Variants in SI observed in about 807,000 individuals in gnomAD.
The protein encoded by SI is sucrase-isomaltase, intestinal.
Under a neutral mutation model 253.3 loss-of-function variants are expected in SI, and 235 were observed. The observed-to-expected ratio is 0.93, with a 90% CI of 0.83 to 1.03. The LOEUF (loss-of-function observed/expected upper bound fraction) is 1.03, where lower values mean the gene tolerates loss of function less well. SI is among the 50% of genes least tolerant of loss of function. The pLI is 0.00. For synonymous variants in SI, 819 were observed against 712.0 expected (o/e 1.15, Z -2.39); for missense variants, 2,442 against 2,211.1 (o/e 1.10, Z -2.09).
At chr3:165,029,846 T>C (rs1712142628) in intron 25 of SI, among the ~76,000 whole-genome samples, 1 of 150,316 alleles carries the variant, frequency 6.7e-6, no homozygotes, top group Non-Finnish European at 1.5e-5. Flanking sequence ...GAAGTGAACT[T>C]CACTATTTGA....
chr3:165,080,902 A>T (rs990530221), upstream of SI, among the ~76,000 whole-genome samples: 3 of 151,976 alleles, frequency 2.0e-5, no homozygotes, highest in Admixed American at 6.6e-5. Flanking sequence ...AGTATAATTT[A>T]AAAAAAGAAA....
chr3:165,009,015 T>C (rs1334196839), intron 35 of SI, among the ~76,000 whole-genome samples: 1 of 152,000 alleles, frequency 6.6e-6, no homozygotes, highest in African/African-American at 2.4e-5. Flanking sequence ...AATAAATATT[T>C]ACAAGGATTT....
intron 12 of SI, among the ~76,000 whole-genome samples, chr3:165,057,826 C>T (rs552122004): frequency 3.3e-5 from 5 of 152,006 alleles, no homozygotes; most frequent in African/African-American, 1.2e-4. Flanking sequence ...CAGACAAGTC[C>T]TATAAGATAT....
In SI at chr3:164,992,390, C is replaced by G. The variant is rs202225928; in HGVS notation, c.4849G>C (p.Asp1617His). 258 of 1,605,932 alleles carry G rather than the reference C, an allele frequency of 1.6e-4. No homozygotes were observed. Among genetic ancestry groups the G allele is most frequent in the Non-Finnish European group, 2.1e-4 (246 of 1,174,666 alleles). ...AATATATCCCAGGTTGGTTTTTCAT[C>G]AAAGAACCTCGACAAAATTATCACA... Reference protein sequence around the residue: ...VIRPLLHEFFDEKPTWDIFKQ... With the variant: ...VIRPLLHEFFHEKPTWDIFKQ... Residue 1617 changes from aspartate (D) to histidine (H), a missense_variant, in exon 42 of 48, where the codon GAT becomes CAT. Coordinates refer to ENST00000264382, the MANE Select transcript of SI (RefSeq NM_001041.4).
intron 32 of SI, 68 bp from the exon 33 acceptor site, chr3:165,015,301 GAAGCAT>G (rs1718973295): frequency 9.5e-7 from 1 of 1,050,242 alleles, no homozygotes; most frequent in South Asian, 1.3e-5. Context: ...CAGTGATTAT[GAAGCAT>G]AAGTTTTCAT....
intron 37 of SI, among the ~76,000 whole-genome samples, chr3:165,004,126 AAAATGGGCAAAAT>A (rs1718388793): frequency 6.6e-6 from 1 of 152,186 alleles, no homozygotes; most frequent in African/African-American, 2.4e-5. Context: ...ATCTGATTTA[AAAATGGGCAAAAT>A]ATTTGAATAG....
the SI span, among the ~76,000 whole-genome samples, chr3:165,088,871 T>C: frequency 6.6e-6 from 1 of 151,942 alleles, no homozygotes; most frequent in African/African-American, 2.4e-5. Flanking sequence ...GAACTAAACT[T>C]TAACTATGAT....
At chr3:165,070,777 T>C (rs1005486763) in intron 3 of SI, among the ~76,000 whole-genome samples, 2 of 152,250 alleles carry the variant, frequency 1.3e-5, no homozygotes, top group Non-Finnish European at 2.9e-5. Context: ...TAGTTTCCTA[T>C]GTCTTTCATA....
At chr3:165,070,084 A>G (rs1039223585) in intron 3 of SI, among the ~76,000 whole-genome samples, 3 of 146,932 alleles carry the variant, frequency 2.0e-5, no homozygotes, top group Non-Finnish European at 4.5e-5. Context: ...TATATAGTAT[A>G]TGTACTATAT....
At chr3:165,009,465 G>A (rs956440721) in intron 34 of SI, 70 bp from the exon 35 acceptor site, 121 of 836,650 alleles carry the variant, frequency 1.4e-4, no homozygotes, top group Non-Finnish European at 3.8e-5. Flanking sequence ...AAATCTGAAT[G>A]TATTTGACAG....
At chr3:165,045,247 A>C (rs985711866) in intron 16 of SI, among the ~76,000 whole-genome samples, 1 of 151,964 alleles carries the variant, frequency 6.6e-6, no homozygotes, top group Non-Finnish European at 1.5e-5. Flanking sequence ...AATTCCACAA[A>C]ATTTTGATAA....
intron 25 of SI, among the ~76,000 whole-genome samples, chr3:165,030,143 G>C (rs1011233590): frequency 1.3e-5 from 2 of 149,820 alleles, no homozygotes; most frequent in Non-Finnish European, 3.0e-5. Context: ...ATGATGTAAT[G>C]AAAAGCCCAG....
In SI at chr3:165,026,578, T is replaced by C. The variant is rs1444063865; in HGVS notation, c.2893-2802A>G. Among the ~76,000 whole-genome samples the C allele has an allele frequency of 4.0e-5, 6 of 150,700 alleles. No homozygotes were observed. The Admixed American group carries it at 4.0e-4, about 10-fold the overall frequency. Reference sequence around the variant, plus strand: ...ACTTTCTCCAAGATAGACTGTATGATAGGGCACAATAAATTTAAGAAATTT... The same window carrying C: ...ACTTTCTCCAAGATAGACTGTATGACAGGGCACAATAAATTTAAGAAATTT... On this transcript the variant is annotated intron_variant, in intron 25 of 47. Coordinates refer to ENST00000264382, the MANE Select transcript of SI (RefSeq NM_001041.4).
At chr3:164,984,160 G>T (rs1483767807) in intron 45 of SI, among the ~76,000 whole-genome samples, 1 of 151,960 alleles carries the variant, frequency 6.6e-6, no homozygotes, top group Non-Finnish European at 1.5e-5. Context: ...GTGTTTTTAT[G>T]TAAAAAAACA....
intron 44 of SI, among the ~76,000 whole-genome samples, chr3:164,988,437 A>G (rs896334980): frequency 2.0e-5 from 3 of 152,154 alleles, no homozygotes; most frequent in Admixed American, 6.5e-5. Context: ...GAGTTTTACA[A>G]CTTTCTATAC....
In SI at chr3:164,991,645, C is replaced by CTA. The variant is rs1017622275; in HGVS notation, c.4984-170_4984-169dup. ...TTGTTTCACTATAGTAACCATTTTA[C>CTA]TATATATATATCTCATAACATGATG... On this transcript the variant is annotated intron_variant, in intron 43 of 47. Transcript: ENST00000264382. Among the ~76,000 whole-genome samples, 23 of 151,984 alleles carry CTA rather than the reference C, an allele frequency of 1.5e-4. 1 individual carries two copies. The highest frequency in any genetic ancestry group is 6.2e-4 in the South Asian group (3 of 4,820).
At position 165,067,441 on chromosome 3, in the gene SI, T is replaced by C. The variant is rs1255700803; in HGVS notation, c.534A>G (p.Lys178=). ...RRYEVPHQYV[K]EFTGPTVSDT... is the part of the protein sequence containing the mutation. The stretch of plus-strand genomic sequence containing the variant: ...CAGAAACTGTGGGTCCAGTAAACTC[T>C]TTTACATACTGATGAGGAACTTCAT... Residue 178 remains lysine, a synonymous_variant, in exon 6 of 48, where the codon AAA becomes AAG. Transcript: ENST00000264382. 1 of 1,611,576 alleles carries C rather than the reference T, an allele frequency of 6.2e-7. No homozygotes were observed. Among genetic ancestry groups the C allele is most frequent in the Non-Finnish European group, 8.5e-7 (1 of 1,177,934 alleles).
At position 165,074,670 on chromosome 3, in the gene SI, G is replaced by A. The variant is rs1364351253; in HGVS notation, c.119-3C>T. The stretch of plus-strand genomic sequence containing the variant: ...AGTTGAAGTAGAATCACTAATTTCT[G>A]GGGGAGGAAAAAACTCAATAAAATA... On this transcript the variant is annotated splice_polypyrimidine_tract_variant and splice_region_variant and intron_variant, in intron 2 of 47. Transcript: ENST00000264382. 1.9e-6 allele frequency: 3 copies of A among 1,606,914 alleles called. No individual in the cohort carries two copies. Among genetic ancestry groups the A allele is most frequent in the Admixed American group, 1.7e-5 (1 of 59,730 alleles).
At chr3:165,006,735 C>A in intron 37 of SI, 81 bp downstream of exon 37, 3 of 1,216,676 alleles carry the variant, frequency 2.5e-6, no homozygotes, top group South Asian at 2.5e-5. Flanking sequence ...AGAAGATTGT[C>A]GGGACTGTTA....
Sources: allele counts gnomAD v4.1 joint callset (sites outside exome capture counted in the v4.1 genomes callset), GRCh38; gene constraint gnomAD v4.1.1; transcripts MANE v1.5; gene names NCBI Gene and HGNC (gene_info 2026-07-23, HGNC 2026-07-21).